MCC: variants seen among roughly 807,000 people sequenced by gnomAD.
MCC encodes MCC regulator of Wnt signaling pathway.
MCC carries 90 observed loss-of-function variants against 116.2 expected under a neutral mutation model. The ratio of observed to expected loss-of-function variants is 0.77; its 90% confidence interval spans 0.65 to 0.92. The LOEUF (loss-of-function observed/expected upper bound fraction) is 0.92, where lower values mean the gene tolerates loss of function less well. Among genes scored for constraint, MCC ranks in the 40% least tolerant of loss-of-function variants. The pLI is 0.00. For synonymous variants in MCC, 578 were observed against 510.5 expected, an observed-to-expected ratio of 1.13 and a Z score of -1.78; for missense variants, 1,516 against 1,312.2, an observed-to-expected ratio of 1.16 and a Z score of -2.40.
chr5:113,113,581 T>C (rs1757221342), intron 6 of MCC, among the ~76,000 whole-genome samples: 1 of 141,086 alleles, frequency 7.1e-6, no homozygotes, highest in Non-Finnish European at 1.5e-5. Flanking sequence ...TCACCTATAA[T>C]GGACAAACTG....
At chr5:113,108,888 T>C (rs959510223) in intron 6 of MCC, among the ~76,000 whole-genome samples, 2 of 152,202 alleles carry the variant, frequency 1.3e-5, no homozygotes, top group Non-Finnish European at 2.9e-5. Flanking sequence ...CTCTGCACTG[T>C]GGCTTCACAC....
At chr5:113,046,985 G>A (rs1339803774) in intron 16 of MCC, among the ~76,000 whole-genome samples, 5 of 152,044 alleles carry the variant, frequency 3.3e-5, no homozygotes, top group African/African-American at 7.2e-5. Flanking sequence ...ACAACCCTCC[G>A]GGCCATTAAA....
chr5:113,476,239 A>ACCAACCTTGG (rs1772232118), intron 1 of MCC, among the ~76,000 whole-genome samples: 1 of 152,202 alleles, frequency 6.6e-6, no homozygotes, highest in African/African-American at 2.4e-5. Context: ...CACAGACTAA[A>ACCAACCTTGG]AACCTTGGAA....
intron 8 of MCC, among the ~76,000 whole-genome samples, chr5:113,099,943 C>G (rs1189240601): frequency 6.6e-6 from 1 of 152,200 alleles, no homozygotes; most frequent in African/African-American, 2.4e-5. Flanking sequence ...ATTAGGACAT[C>G]AGTGATAATC....
At chr5:113,328,074 C>T (rs544362431) in intron 3 of MCC, among the ~76,000 whole-genome samples, 1 of 152,234 alleles carries the variant, frequency 6.6e-6, no homozygotes, top group African/African-American at 2.4e-5. Context: ...GCAACATTCA[C>T]TTCTTGAGCT....
chr5:113,145,907 G>C (rs933799932), intron 4 of MCC, among the ~76,000 whole-genome samples: 1 of 152,056 alleles, frequency 6.6e-6, no homozygotes, highest in Non-Finnish European at 1.5e-5. Flanking sequence ...AAGCCTGCCT[G>C]GAGGATACCT....
chr5:113,069,773 C>G (rs1454985382), intron 12 of MCC, among the ~76,000 whole-genome samples: 1 of 151,944 alleles, frequency 6.6e-6, no homozygotes, highest in Non-Finnish European at 1.5e-5. Flanking sequence ...TTTTTAGTAG[C>G]GACGGGGTTT....
At chr5:113,347,718 C>T (rs1218195813) in intron 2 of MCC, among the ~76,000 whole-genome samples, 1 of 151,938 alleles carries the variant, frequency 6.6e-6, no homozygotes, top group Non-Finnish European at 1.5e-5. Context: ...AAGAGTAAGT[C>T]CTTACTTACC....
chr5:113,449,203 C>G (rs1480978285), intron 1 of MCC, among the ~76,000 whole-genome samples: 1 of 152,198 alleles, frequency 6.6e-6, no homozygotes, highest in Non-Finnish European at 1.5e-5. Flanking sequence ...TATTCTTCAG[C>G]ACCAGGGATT....
chr5:113,217,552 CAG>C (rs1177753958), intron 3 of MCC, among the ~76,000 whole-genome samples: 10 of 152,216 alleles, frequency 6.6e-5, no homozygotes, highest in African/African-American at 1.4e-4. Flanking sequence ...AAAACAAAAA[CAG>C]GGAGTAATAC....
chr5:113,318,410 C>G (rs1431650062), intron 3 of MCC, among the ~76,000 whole-genome samples: 3 of 152,114 alleles, frequency 2.0e-5, no homozygotes, highest in Admixed American at 6.5e-5. Flanking sequence ...GGGCTTTAAT[C>G]TACTTAACAT....
intron 1 of MCC, among the ~76,000 whole-genome samples, chr5:113,401,860 A>AT (rs1241332810): frequency 1.3e-5 from 2 of 151,392 alleles, no homozygotes; most frequent in East Asian, 3.9e-4. Context: ...TATTATTACT[A>AT]TTTTTTTGAG....
At position 113,384,941 on chromosome 5, in the gene MCC, A is replaced by G. The variant is rs769480976; in HGVS notation, c.415+27T>C. 4.3e-6 allele frequency: 7 copies of G among 1,612,988 alleles called. No individual in the cohort carries two copies. In the Admixed American group the frequency reaches 1.2e-4, roughly 27 times the overall value. The stretch of plus-strand genomic sequence containing the variant: ...TCACAGGCAAGGCCAGTGGAGTGCC[A>G]TAAAACTGCCACCTGGTTATACCTA... On this transcript the variant is annotated intron_variant, in intron 2 of 18. Transcript: ENST00000408903.
intron 1 of MCC, among the ~76,000 whole-genome samples, chr5:113,475,687 C>T (rs1335465862): frequency 6.6e-6 from 1 of 152,156 alleles, no homozygotes; most frequent in Non-Finnish European, 1.5e-5. Context: ...ACTCCCATGT[C>T]ATTTCATTTA....
At chr5:113,393,494 C>G (rs1413734254) in intron 1 of MCC, among the ~76,000 whole-genome samples, 1 of 152,168 alleles carries the variant, frequency 6.6e-6, no homozygotes, top group Non-Finnish European at 1.5e-5. Context: ...TCCTTACAGA[C>G]TAGAGAGCAT....
chr5:113,258,167 G>C (rs1353575823), intron 3 of MCC, among the ~76,000 whole-genome samples: 4 of 152,012 alleles, frequency 2.6e-5, no homozygotes, highest in African/African-American at 9.7e-5. Context: ...TTTAAAGAAA[G>C]GAATTAAAAA....
chr5:113,218,362 C>G (rs1763406281), intron 3 of MCC, among the ~76,000 whole-genome samples: 1 of 152,100 alleles, frequency 6.6e-6, no homozygotes, highest in South Asian at 2.1e-4. Flanking sequence ...GGGGGCTGGG[C>G]AGAGCTGAAT....
chr5:113,488,144 G>A, intron 1 of MCC, 101 bp downstream of exon 1: 1 of 1,234,786 alleles, frequency 8.1e-7, no homozygotes, highest in Non-Finnish European at 1.1e-6. Flanking sequence ...GAGCTTCTGA[G>A]CAACTTGCCG....
At chr5:113,479,031 CATA>C (rs1418921215) in intron 1 of MCC, among the ~76,000 whole-genome samples, 1 of 152,128 alleles carries the variant, frequency 6.6e-6, no homozygotes, top group Non-Finnish European at 1.5e-5. Context: ...TGTGAATGTT[CATA>C]ATGCCTTTAC....
Sources: allele counts gnomAD v4.1 joint callset (sites outside exome capture counted in the v4.1 genomes callset), GRCh38; gene constraint gnomAD v4.1.1; transcripts MANE v1.5; gene names NCBI Gene and HGNC (gene_info 2026-07-23, HGNC 2026-07-21).